Variants in G2E3 observed in about 807,000 individuals in gnomAD.
G2E3 encodes G2/M-phase specific E3 ubiquitin protein ligase, also known as G2/M phase-specific E3 ubiquitin-protein ligase.
In G2E3, 35 loss-of-function variants were observed where a neutral mutation model predicts 92.8. That is an observed-to-expected ratio of 0.38 (90% confidence interval 0.29 to 0.50). The LOEUF (loss-of-function observed/expected upper bound fraction) is 0.50. Ranked by LOEUF, G2E3 falls within the 20% of genes least tolerant of loss-of-function variation. G2E3 has a pLI of 0.94. For missense variants in G2E3, 554 were observed against 823.8 expected, an observed-to-expected ratio of 0.67 and a Z score of 4.01; for synonymous variants, 242 against 272.4, an observed-to-expected ratio of 0.89 and a Z score of 1.10.
chr14:30,610,417 C>G (rs1429756107), intron 12 of G2E3, among the ~76,000 whole-genome samples: 1 of 152,104 alleles, frequency 6.6e-6, no homozygotes, highest in Non-Finnish European at 1.5e-5. Context: ...AGTTCGAGAC[C>G]AGCCTGGCCA....
intron 6 of G2E3, among the ~76,000 whole-genome samples, chr14:30,596,663 C>T (rs530560028): frequency 6.7e-4 from 102 of 152,138 alleles, no homozygotes; most frequent in Non-Finnish European, 1.3e-3. Flanking sequence ...CATGTGTATA[C>T]TTAAAATACT....
At chr14:30,606,208 C>T (rs1399423775) in intron 11 of G2E3, among the ~76,000 whole-genome samples, 2 of 151,768 alleles carry the variant, frequency 1.3e-5, no homozygotes, top group East Asian at 3.9e-4. Flanking sequence ...CCACATGTAA[C>T]CAATTTTTCA....
At chr14:30,586,848 T>G in intron 3 of G2E3, 33 bp downstream of exon 3, 1 of 736,864 alleles carries the variant, frequency 1.4e-6, no homozygotes, top group Non-Finnish European at 2.1e-6. Flanking sequence ...TTCTAGAAAT[T>G]TGGTGTTCTA....
intron 2 of G2E3, among the ~76,000 whole-genome samples, chr14:30,585,550 C>A (rs911240583): frequency 6.7e-6 from 1 of 149,534 alleles, no homozygotes; most frequent in Admixed American, 6.7e-5. Context: ...GTTTTGCTTA[C>A]TGTAGTTTTG....
At chr14:30,565,804 G>A (rs1879396049) in intron 1 of G2E3, among the ~76,000 whole-genome samples, 1 of 151,566 alleles carries the variant, frequency 6.6e-6, no homozygotes, top group African/African-American at 2.4e-5. Context: ...TGGGACTATA[G>A]GCACCCACCA....
At position 30,617,613 on chromosome 14, in the gene G2E3, A is replaced by G. The variant is rs546657107; in HGVS notation, c.*1079A>G. Reference sequence around the variant, plus strand: ...TTGAATGATATCTGTTATATAAGCAATGTATAAATAAAGTAAAAAGGATAG... The same window carrying G: ...TTGAATGATATCTGTTATATAAGCAGTGTATAAATAAAGTAAAAAGGATAG... On this transcript the variant is annotated 3_prime_UTR_variant, in exon 15 of 15. Coordinates refer to ENST00000206595, the MANE Select transcript of G2E3 (RefSeq NM_017769.5). 1 of 152,220 alleles carries G rather than the reference A, an allele frequency of 6.6e-6. No individual in the cohort carries two copies. The highest frequency in any genetic ancestry group is 2.4e-5 in the African/African-American group (1 of 41,564). The allele number at this position is 152,220 out of a possible 1,614,324, so 9.4% of individuals were successfully genotyped here.
chr14:30,595,701 A>G (rs1881244378), intron 6 of G2E3, among the ~76,000 whole-genome samples: 1 of 152,206 alleles, frequency 6.6e-6, no homozygotes, highest in Non-Finnish European at 1.5e-5. Context: ...AAGGAGTTCC[A>G]ATAACTTTTG....
At position 30,602,027 on chromosome 14, in the gene G2E3, A is replaced by G; in HGVS notation, c.906A>G (p.Val302=). ...SGEFQKAKKH[V]LPNSNNVGIT... ...AGTTCCAAAAAGCCAAAAAACATGTATTACCCAATTCTAATAATGTGGGGA... is the reference window on the plus strand; with the variant it reads ...AGTTCCAAAAAGCCAAAAAACATGTGTTACCCAATTCTAATAATGTGGGGA... Residue 302 remains valine (V), a synonymous_variant, in exon 10 of 15, where the codon GTA becomes GTG. Coordinates refer to ENST00000206595, the MANE Select transcript of G2E3 (RefSeq NM_017769.5). 1.2e-6 allele frequency: 2 copies of G among 1,611,984 alleles called. No homozygotes were observed. The highest frequency in any genetic ancestry group is 1.7e-6 in the Non-Finnish European group (2 of 1,178,546).
In G2E3 at chr14:30,602,145, A is replaced by G. The variant is rs763386416; in HGVS notation, c.1010+14A>G. 1.7e-5 allele frequency: 27 copies of G among 1,575,524 alleles called. No individual in the cohort carries two copies. The East Asian group carries it at 2.7e-4, about 16-fold the overall frequency. On this transcript the variant is annotated intron_variant, in intron 10 of 14. Transcript: ENST00000206595. ...AGATCTACTGAGGTATGTATTTTGA[A>G]TTGGAGAAATACATAAAAATCTATT...
rs1882479273 is a variant in G2E3, at chr14:30,619,789, CATTT to C, written c.*3258_*3261del. ...CTGCCAGATTAACCAAAAAGCGTGA[CATTT>C]ATAACAATGTTTTATAAATAAATAA... On this transcript the variant is annotated 3_prime_UTR_variant, in exon 15 of 15. Transcript: ENST00000206595. 6.6e-6 allele frequency: 1 copy of C among 152,094 alleles called. No homozygotes were observed. Among genetic ancestry groups the C allele is most frequent in the African/African-American group, 2.4e-5 (1 of 41,440 alleles). The allele number at this position is 152,094 out of a possible 1,614,324, so 9.4% of individuals were successfully genotyped here.
Position 30,593,494 on chromosome 14 carries a change from G to T in G2E3, c.383G>T (p.Arg128Leu). 6.5e-7 allele frequency: 1 copy of T among 1,550,016 alleles called. No homozygotes were observed. The highest frequency in any genetic ancestry group is 8.8e-7 in the Non-Finnish European group (1 of 1,132,112). The change falls in exon 6 of 15, where the codon CGA (arginine) becomes CTA (leucine). Residue 128 changes from arginine to leucine, a missense_variant. Around this residue, in one of 3 missense-constraint regions of G2E3, gnomAD observed 137 missense variants for 201.3 expected, o/e 0.68. Transcript: ENST00000206595. ...GNFASFCWDHRPVQIITSNNY... is the reference protein window; with the variant it reads ...GNFASFCWDHLPVQIITSNNY... Reference sequence around the variant, plus strand: ...TTTAGGTCATTTTGTTGGGACCATCGACCTGTTCAAATAATTACATCTAAT... The same window carrying T: ...TTTAGGTCATTTTGTTGGGACCATCTACCTGTTCAAATAATTACATCTAAT...
At position 30,602,103 on chromosome 14, in the gene G2E3, C is replaced by T. The variant is rs764266106; in HGVS notation, c.982C>T (p.Pro328Ser). ...ATCACCTAAATTACCCAGACAGTCACCTGGATCCCAGAGTAAAGATCTACT... is the reference window on the plus strand; with the variant it reads ...ATCACCTAAATTACCCAGACAGTCATCTGGATCCCAGAGTAAAGATCTACT... The part of the protein sequence containing the change: ...ESSPKLPRQS[P>S]GSQSKDLLRQ... Residue 328 changes from proline to serine, a missense_variant, in exon 10 of 15, where the codon CCT becomes TCT. Physicochemically the swap from Pro to Ser is moderately conservative, Grantham distance 74 (BLOSUM62 -1). This residue lies in a region of G2E3 where 397 missense variants were observed against 560.3 expected (regional missense o/e 0.71). Coordinates refer to ENST00000206595, the MANE Select transcript of G2E3 (RefSeq NM_017769.5). 1.9e-6 allele frequency: 3 copies of T among 1,610,420 alleles called. No homozygotes were observed. The highest frequency in any genetic ancestry group is 2.2e-5 in the East Asian group (1 of 44,824).
chr14:30,611,055 CATT>C (rs1280473703), intron 12 of G2E3, among the ~76,000 whole-genome samples: 15 of 152,242 alleles, frequency 9.9e-5, no homozygotes, highest in Non-Finnish European at 2.1e-4. Context: ...TCCTTCCTCT[CATT>C]ATCGTGTAAC....
intron 2 of G2E3, among the ~76,000 whole-genome samples, chr14:30,584,709 A>C (rs1183129140): frequency 6.6e-6 from 1 of 150,516 alleles, no homozygotes; most frequent in Admixed American, 6.6e-5. Context: ...ATTCAAATCT[A>C]GTGCCTATTT....
intron 8 of G2E3, among the ~76,000 whole-genome samples, chr14:30,599,084 G>A (rs1881433322): frequency 6.6e-6 from 1 of 152,168 alleles, no homozygotes; most frequent in Non-Finnish European, 1.5e-5. Flanking sequence ...CTTGCAGATG[G>A]CTGTGTTCTA....
At chr14:30,583,849 G>C (rs1337834691) in intron 2 of G2E3, among the ~76,000 whole-genome samples, 1 of 152,182 alleles carries the variant, frequency 6.6e-6, no homozygotes, top group African/African-American at 2.4e-5. Context: ...TGTGTGTGTT[G>C]GGAGGGGTGG....
At chr14:30,573,741 G>A (rs1192616089) in intron 1 of G2E3, 2 of 152,052 alleles carry the variant, frequency 1.3e-5, no homozygotes, top group Non-Finnish European at 2.9e-5. Flanking sequence ...GCCCTCAGTG[G>A]ACTAGCTAAT....
At chr14:30,613,744 T>C (rs1882196220) in intron 13 of G2E3, among the ~76,000 whole-genome samples, 1 of 151,932 alleles carries the variant, frequency 6.6e-6, no homozygotes, top group Admixed American at 6.5e-5. Context: ...ACATTATGAG[T>C]GTGTCCTGAT....
chr14:30,609,969 A>G (rs1339370872), intron 12 of G2E3, among the ~76,000 whole-genome samples: 1 of 152,170 alleles, frequency 6.6e-6, no homozygotes, highest in Non-Finnish European at 1.5e-5. Flanking sequence ...TTGTTCTAAT[A>G]TTCTTATTTG....
Sources: allele counts gnomAD v4.1 joint callset (sites outside exome capture counted in the v4.1 genomes callset), GRCh38; gene constraint gnomAD v4.1.1; regional missense constraint gnomAD v4.1.1; transcripts MANE v1.5; gene names NCBI Gene and HGNC (gene_info 2026-07-23, HGNC 2026-07-21).